The following ACOT9 variants were observed in gnomAD, a reference collection of about 807,000 sequenced individuals.
ACOT9 encodes acyl-CoA thioesterase 9, also known as acyl-coenzyme A thioesterase 9, mitochondrial.
Under a neutral mutation model 39.7 loss-of-function variants are expected in ACOT9, and 34 were observed. The observed-to-expected ratio is 0.86, with a 90% CI of 0.65 to 1.14. The LOEUF is 1.14. Among genes scored for constraint, ACOT9 ranks in the 50% most tolerant of loss-of-function variants. ACOT9 has a pLI of 0.00. For missense variants in ACOT9, 313 were observed against 344.1 expected, an observed-to-expected ratio of 0.91 and a Z score of 0.71; for synonymous variants, 110 against 120.5, an observed-to-expected ratio of 0.91 and a Z score of 0.57.
chrX:23,710,548 C>A (rs1296069298), intron 9 of ACOT9, among the ~76,000 whole-genome samples: 1 of 112,039 alleles, frequency 8.9e-6, no homozygotes, highest in Non-Finnish European at 1.9e-5. Context: ...TATATTACAA[C>A]CATGAATTCA....
rs761907453 is a variant in ACOT9 at position 23,714,061 on chromosome X, A to G, written c.589-853T>C. On this transcript the variant is annotated intron_variant, in intron 8 of 15. Coordinates refer to ENST00000379303, the MANE Select transcript of ACOT9 (RefSeq NM_001037171.2). ...CCAAAACAAAACAAACAAAACGCAA[A>G]TAGTATACTGCATGAGATGGGCTGC... 4.5e-5 allele frequency among the ~76,000 whole-genome samples: 5 copies of G among 110,610 alleles called. No individual in the cohort carries two copies. The East Asian group carries it at 1.4e-3, about 32-fold the overall frequency.
intron 1 of ACOT9, among the ~76,000 whole-genome samples, chrX:23,738,944 G>A (rs1255393571): frequency 1.1e-5 from 1 of 88,566 alleles, no homozygotes; most frequent in Non-Finnish European, 2.1e-5. Context: ...CTGTTTGTGT[G>A]AGAGGCAATA....
At chrX:23,723,599 CAA>C (rs34401071) in intron 6 of ACOT9, among the ~76,000 whole-genome samples, 8,481 of 54,079 alleles carry the variant, frequency 0.16, 471 homozygotes, top group African/African-American at 0.25. Context: ...AAGACTGTCT[CAA>C]AAAAAAAAAA....
rs934335184 is a variant in ACOT9, at chrX:23,701,792, G to A, written c.*2102C>T. 1.8e-5 allele frequency among the ~76,000 whole-genome samples: 2 copies of A among 111,345 alleles called. No homozygotes were observed. The highest frequency in any genetic ancestry group is 3.8e-5 in the Non-Finnish European group (2 of 52,951). On this transcript the variant is annotated 3_prime_UTR_variant, in exon 16 of 16. Coordinates refer to ENST00000379303, the MANE Select transcript of ACOT9 (RefSeq NM_001037171.2). ...TTTTTTGTTAAAAATGCTTTCCACC[G>A]GCCGGGTGCAGTGGCTCATGCCTAT...
At chrX:23,716,415 T>C (rs1186953336) in intron 8 of ACOT9, among the ~76,000 whole-genome samples, 1 of 111,998 alleles carries the variant, frequency 8.9e-6, no homozygotes, top group Non-Finnish European at 1.9e-5. Context: ...GCATTTCCTT[T>C]GGGCATCATG....
At chrX:23,717,853 C>T (rs1456372326) in intron 8 of ACOT9, among the ~76,000 whole-genome samples, 1 of 111,510 alleles carries the variant, frequency 9.0e-6, no homozygotes, top group African/African-American at 3.3e-5. Flanking sequence ...TTTGGGAGGC[C>T]GAGGCAGGCG....
chrX:23,740,717 T>TACACACACAC (rs67075682), intron 1 of ACOT9, among the ~76,000 whole-genome samples: 943 of 92,010 alleles, frequency 0.01, 15 homozygotes, highest in Middle Eastern at 0.024. Context: ...CCCCAATACA[T>TACACACACAC]ACACACACAC....
At position 23,701,585 on chromosome X, in the gene ACOT9, C is replaced by T; in HGVS notation, c.*2309G>A. Among the ~76,000 whole-genome samples, 1 of 111,376 alleles carries T rather than the reference C, an allele frequency of 9.0e-6. No homozygotes were observed. The highest frequency in any genetic ancestry group is 1.9e-5 in the Non-Finnish European group (1 of 53,080). On this transcript the variant is annotated 3_prime_UTR_variant, in exon 16 of 16. Coordinates refer to ENST00000379303, the MANE Select transcript of ACOT9 (RefSeq NM_001037171.2). ...CAAACTCCTGGACTCAAGCAATCCA[C>T]TCACCTCAGCCTCCTAACTGGGACT...
chrX:23,730,570 A>G lies in ACOT9; in HGVS notation c.363-6T>C. On this transcript the variant is annotated splice_polypyrimidine_tract_variant and splice_region_variant and intron_variant, in intron 5 of 15. Transcript: ENST00000379303. The stretch of plus-strand genomic sequence containing the variant: ...CCTCAAGAATCCTGCCAAATCTGTG[A>G]AATAAAGCAAACAGTGAATTAAATG... 8.3e-7 allele frequency: 1 copy of G among 1,203,114 alleles called. No homozygotes were observed. The highest frequency in any genetic ancestry group is 1.1e-6 in the Non-Finnish European group (1 of 887,825).
At position 23,702,098 on chromosome X, in the gene ACOT9, C is replaced by T. The variant is rs1424502383; in HGVS notation, c.*1796G>A. Among the ~76,000 whole-genome samples, 2 of 109,433 alleles carry T rather than the reference C, an allele frequency of 1.8e-5. No individual in the cohort carries two copies. Among genetic ancestry groups the T allele is most frequent in the Non-Finnish European group, 1.9e-5 (1 of 52,577 alleles). On this transcript the variant is annotated 3_prime_UTR_variant, in exon 16 of 16. Coordinates refer to ENST00000379303, the MANE Select transcript of ACOT9 (RefSeq NM_001037171.2). ...ACACACACACACACACACAAAAATA[C>T]TTTCCACCTAATTCTGAGGCAGAGC...
Position 23,733,214 on chromosome X carries a change from C to T in ACOT9, c.149G>A (p.Arg50Gln). Residue 50 changes from arginine (R) to glutamine (Q), a missense_variant, in exon 4 of 16, where the codon CGA (arginine) becomes CAA (glutamine). Arg to Gln is a conservative substitution (Grantham distance 43). Coordinates refer to ENST00000379303, the MANE Select transcript of ACOT9 (RefSeq NM_001037171.2). ...TCCTACTATCTCCCGCAACTTATCT[C>T]GAACTGAAACAAAAATAAAGAGGTC... The part of the protein sequence containing the change: ...ACSSIHVNHV[R>Q]DKLREIVGAS... The T allele has an allele frequency of 8.3e-7, 1 of 1,205,918 alleles. No individual in the cohort carries two copies. The highest frequency in any genetic ancestry group is 1.8e-5 in the South Asian group (1 of 56,550).
chrX:23,730,727 A>T (rs1031953418), intron 5 of ACOT9, 89 bp downstream of exon 5: 1 of 1,012,724 alleles, frequency 9.9e-7, no homozygotes, highest in African/African-American at 1.9e-5. Flanking sequence ...CACTTTAAAC[A>T]GGCGAATTGT....
At chrX:23,743,074 T>A in intron 1 of ACOT9, 51 bp downstream of exon 1, 1 of 1,119,937 alleles carries the variant, frequency 8.9e-7, no homozygotes, top group Non-Finnish European at 1.2e-6. Context: ...GGGAAGACGA[T>A]GGCACCCCAG....
At chrX:23,707,727 G>C (rs1241974944) in intron 10 of ACOT9, 150 bp downstream of exon 10, 1 of 390,620 alleles carries the variant, frequency 2.6e-6, no homozygotes, top group Non-Finnish European at 4.3e-6. Context: ...GAGACAGAGA[G>C]ACTCCATTTC....
intron 8 of ACOT9, among the ~76,000 whole-genome samples, chrX:23,717,659 T>G (rs977118296): frequency 9.0e-6 from 1 of 110,795 alleles, no homozygotes; most frequent in African/African-American, 3.3e-5. Flanking sequence ...GTTTGGAACA[T>G]ACTGTTTATT....
In ACOT9 at chrX:23,705,533, G is replaced by C; in HGVS notation, c.995C>G (p.Ala332Gly). ...CCCAAAGCTACAAGCAGTAGCCCAC[G>C]CAAGTTCATATGCCTTCCTCATAAG... ...GFLMRKAYEL[A>G]WATACSFGGS... Residue 332 changes from alanine (A) to glycine (G), a missense_variant, in exon 13 of 16, where the codon GCG becomes GGG. Ala to Gly is a moderately conservative substitution (Grantham distance 60). Transcript: ENST00000379303. The C allele has an allele frequency of 1.7e-6, 2 of 1,210,094 alleles. No homozygotes were observed. Among genetic ancestry groups the C allele is most frequent in the East Asian group, 3.0e-5 (1 of 33,847 alleles).
intron 9 of ACOT9, among the ~76,000 whole-genome samples, chrX:23,709,963 C>T (rs978306067): frequency 8.9e-6 from 1 of 112,176 alleles, no homozygotes; most frequent in South Asian, 3.7e-4. Context: ...CCTTGGCTCA[C>T]TGCAACCTCT....
At chrX:23,738,481 C>T (rs1352019634) in intron 1 of ACOT9, among the ~76,000 whole-genome samples, 5 of 109,635 alleles carry the variant, frequency 4.6e-5, no homozygotes, top group African/African-American at 1.7e-4. Context: ...TGGTGGCGCA[C>T]ACCTGTAGTC....
At chrX:23,741,180 G>A (rs182698526) in intron 1 of ACOT9, among the ~76,000 whole-genome samples, 13 of 110,008 alleles carry the variant, frequency 1.2e-4, no homozygotes, top group African/African-American at 2.3e-4. Flanking sequence ...GTGTTGGTGA[G>A]GATGTAGAGA....
Sources: allele counts gnomAD v4.1 joint callset (sites outside exome capture counted in the v4.1 genomes callset), GRCh38; gene constraint gnomAD v4.1.1; transcripts MANE v1.5; gene names NCBI Gene and HGNC (gene_info 2026-07-23, HGNC 2026-07-21).